The following EIF5 variants were observed in gnomAD, a reference collection of about 807,000 sequenced individuals.
EIF5 encodes eukaryotic translation initiation factor 5.
In EIF5, 10 loss-of-function variants were observed where a neutral mutation model predicts 48.3. That is an observed-to-expected ratio of 0.21 (90% CI 0.13 to 0.35). EIF5 has a LOEUF of 0.35. Ranked by LOEUF, EIF5 falls within the 10% of genes least tolerant of loss-of-function variation. The pLI is 1.00. For missense variants in EIF5, 397 were observed against 533.2 expected (o/e 0.74, Z 2.51); for synonymous variants, 237 against 173.1 (o/e 1.37, Z -2.90).
rs1263019804 is a variant in EIF5 at position 103,341,860 on chromosome 14, A to G, written c.*808A>G. On this transcript the variant is annotated 3_prime_UTR_variant, in exon 12 of 12. Coordinates refer to ENST00000216554, the MANE Select transcript of EIF5 (RefSeq NM_001969.5). Reference sequence around the variant, plus strand: ...CTGAGAGAACTTGCTTTGGGGTGCAATTAATAAACTGATTTTATTTGGGAG... The same window carrying G: ...CTGAGAGAACTTGCTTTGGGGTGCAGTTAATAAACTGATTTTATTTGGGAG... 1.4e-5 allele frequency: 2 copies of G among 143,904 alleles called. No individual in the cohort carries two copies. Among genetic ancestry groups the G allele is most frequent in the Admixed American group, 7.1e-5 (1 of 14,032 alleles). The allele number at this position is 143,904 out of a possible 1,614,324, so 8.9% of individuals were successfully genotyped here.
intron 11 of EIF5, 136 bp downstream of exon 11, chr14:103,340,697 C>T (rs2089343104): frequency 5.9e-6 from 7 of 1,189,024 alleles, no homozygotes; most frequent in Non-Finnish European, 8.2e-6. Flanking sequence ...TAAAATACAG[C>T]CTCTCAATAA....
At position 103,343,629 on chromosome 14, in the gene EIF5, A is replaced by C. The variant is rs923104290; in HGVS notation, c.*2577A>C. ...GGGAGGGGTATCAAAATTGAGCCCC[A>C]AGCTGTTTGTTCCAGTGTACCAAGC... On this transcript the variant is annotated 3_prime_UTR_variant, in exon 12 of 12. Transcript: ENST00000216554. 2 of 152,212 alleles carry C rather than the reference A, an allele frequency of 1.3e-5. No individual in the cohort carries two copies. Among genetic ancestry groups the C allele is most frequent in the African/African-American group, 4.8e-5 (2 of 41,452 alleles). The allele number at this position is 152,212 out of a possible 1,614,324, so 9.4% of individuals were successfully genotyped here. A position where few individuals can be genotyped will look rare whatever the true frequency, so the allele number is the denominator to read the frequency against.
intron 4 of EIF5, 26 bp downstream of exon 4, chr14:103,336,143 AG>A: frequency 6.2e-7 from 1 of 1,609,402 alleles, no homozygotes; most frequent in Non-Finnish European, 8.5e-7. Context: ...AAAAGTCCAC[AG>A]GGCATATTAT....
rs1595364081 is a variant in EIF5 at position 103,338,463 on chromosome 14, A to C, written c.576A>C (p.Pro192=). The C allele has an allele frequency of 6.4e-7, 1 of 1,569,390 alleles. No individual in the cohort carries two copies. The highest frequency in any genetic ancestry group is 8.6e-7 in the Non-Finnish European group (1 of 1,156,522). ...PPPPNEINPP[P]HTMEEEEDDD... is the part of the protein sequence containing the mutation. ...CACCAAATGAAATTAATCCTCCTCCACATACAATGGTGAGTGCAGGGTTGA... is the reference window on the plus strand; with the variant it reads ...CACCAAATGAAATTAATCCTCCTCCCCATACAATGGTGAGTGCAGGGTTGA... Residue 192 remains proline (P), a synonymous_variant, in exon 7 of 12, where the codon CCA becomes CCC. Transcript: ENST00000216554.
Position 103,341,034 on chromosome 14 carries a change from C to G in EIF5, c.1278C>G (p.Ile426Met). 6.2e-7 allele frequency: 1 copy of G among 1,614,036 alleles called. No homozygotes were observed. The highest frequency in any genetic ancestry group is 1.3e-5 in the African/African-American group (1 of 75,040). Residue 426 changes from isoleucine (I) to methionine (M), a missense_variant, in exon 12 of 12, where the codon ATC (isoleucine) becomes ATG (methionine). By Grantham distance (10) the Ile-to-Met change is conservative. Transcript: ENST00000216554. ...AGTCAGACAACAAGGATGACGACAT[C>G]GATATTGATGCCATTTAAAGGGATG... Reference protein sequence around the residue: ...TVKSDNKDDDIDIDAI With the variant: ...TVKSDNKDDDMDIDAI
At position 103,340,956 on chromosome 14, in the gene EIF5, T is replaced by C; in HGVS notation, c.1207-7T>C. 1 of 1,613,216 alleles carries C rather than the reference T, an allele frequency of 6.2e-7. No homozygotes were observed. The highest frequency in any genetic ancestry group is 2.2e-5 in the East Asian group (1 of 44,866). The stretch of plus-strand genomic sequence containing the variant: ...CTTATGTTGAATAAAATCATTCCTC[T>C]TAACAGGTGGTGTATTCGAAGGCTG... On this transcript the variant is annotated splice_region_variant and splice_polypyrimidine_tract_variant and intron_variant, in intron 11 of 11. Transcript: ENST00000216554.
chr14:103,338,176 C>T, intron 6 of EIF5, 151 bp from the exon 7 acceptor site: 1 of 1,054,090 alleles, frequency 9.5e-7, no homozygotes, highest in Non-Finnish European at 1.4e-6. Flanking sequence ...TGAATTTGAT[C>T]TGTGAAGCCT....
In EIF5 at chr14:103,343,891, T is replaced by C. The variant is rs1421276332; in HGVS notation, c.*2839T>C. On this transcript the variant is annotated 3_prime_UTR_variant, in exon 12 of 12. Coordinates refer to ENST00000216554, the MANE Select transcript of EIF5 (RefSeq NM_001969.5). ...CTTATCTAACCAGCTATTTTCTTAA[T>C]TGCTACAGCTTGACCTACCAGTATT... 6.6e-6 allele frequency: 1 copy of C among 152,232 alleles called. No homozygotes were observed. The highest frequency in any genetic ancestry group is 1.9e-4 in the East Asian group (1 of 5,198). The allele number at this position is 152,232 out of a possible 1,614,324, so 9.4% of individuals were successfully genotyped here. A position where few individuals can be genotyped will look rare whatever the true frequency, so the allele number is the denominator to read the frequency against.
At position 103,338,337 on chromosome 14, in the gene EIF5, C is replaced by T. The variant is rs894028608; in HGVS notation, c.450C>T (p.Asp150=). 6 of 1,613,432 alleles carry T rather than the reference C, an allele frequency of 3.7e-6. No homozygotes were observed. Among genetic ancestry groups the T allele is most frequent in the Middle Eastern group, 1.7e-4 (1 of 6,056 alleles). Residue 150 remains aspartate, a synonymous_variant, in exon 7 of 12, where the codon GAC becomes GAT. Coordinates refer to ENST00000216554, the MANE Select transcript of EIF5 (RefSeq NM_001969.5). ...FILKNPPENS[D]SGTGKKEKEK... ...CCTTTTTTTCTGTAGAGAATAGTGACAGTGGTACAGGAAAGAAAGAAAAAG... is the reference window on the plus strand; with the variant it reads ...CCTTTTTTTCTGTAGAGAATAGTGATAGTGGTACAGGAAAGAAAGAAAAAG...
rs2089392021 is a variant in EIF5 at position 103,344,644 on chromosome 14, G to A, written c.*3592G>A. The A allele has an allele frequency of 6.6e-6, 1 of 152,188 alleles. No individual in the cohort carries two copies. Among genetic ancestry groups the A allele is most frequent in the Non-Finnish European group, 1.5e-5 (1 of 68,048 alleles). The allele number at this position is 152,188 out of a possible 1,614,324, so 9.4% of individuals were successfully genotyped here. A position where few individuals can be genotyped will look rare whatever the true frequency, so the allele number is the denominator to read the frequency against. On this transcript the variant is annotated 3_prime_UTR_variant, in exon 12 of 12. Transcript: ENST00000216554. ...GAAGCAATGCCTGGCTGGGGCAGTA[G>A]GGGAAATTCCACCCAATTTTGCTAT... is the stretch of plus-strand genomic sequence containing the variant.
chr14:103,335,070 G>C (rs2089268040), intron 2 of EIF5: 1 of 152,266 alleles, frequency 6.6e-6, no homozygotes, highest in African/African-American at 2.4e-5. Context: ...AAGGTTAACC[G>C]AGTATTTGAA....
In EIF5 at chr14:103,342,449, C is replaced by G. The variant is rs1046764831; in HGVS notation, c.*1397C>G. 7 of 152,160 alleles carry G rather than the reference C, an allele frequency of 4.6e-5. No individual in the cohort carries two copies. In the East Asian group the frequency reaches 1.3e-3, roughly 29 times the overall value. The allele number at this position is 152,160 out of a possible 1,614,324, so 9.4% of individuals were successfully genotyped here. The stretch of plus-strand genomic sequence containing the variant: ...TCAAGGTTAAACCTCTTGGCAGTTA[C>G]CCTTTTCACAAAGTGCACAGTGGGA... On this transcript the variant is annotated 3_prime_UTR_variant, in exon 12 of 12. Transcript: ENST00000216554.
Position 103,338,830 on chromosome 14 carries a change from A to G in EIF5, c.681A>G (p.Thr227=), listed in dbSNP as rs1425194368. 3 of 1,614,086 alleles carry G rather than the reference A, an allele frequency of 1.9e-6. No homozygotes were observed. Among genetic ancestry groups the G allele is most frequent in the East Asian group, 2.2e-5 (1 of 44,898 alleles). ...TCAGTGACCATGCAAAAGTTCTGAC[A>G]CTCAGTGATGATTTGGAAAGAACAA... The part of the protein sequence containing the change: ...DEISDHAKVL[T]LSDDLERTIE... The change falls in exon 8 of 12, where the codon ACA becomes ACG. Residue 227 remains threonine, a synonymous_variant. Transcript: ENST00000216554.
Position 103,336,837 on chromosome 14 carries a change from T to C in EIF5, c.315T>C (p.Pro105=), listed in dbSNP as rs766104891. The change falls in exon 5 of 12, where the codon CCT becomes CCC. Residue 105 remains proline (P), a synonymous_variant. Coordinates refer to ENST00000216554, the MANE Select transcript of EIF5 (RefSeq NM_001969.5). ...KFVLCPECEN[P]ETDLHVNPKK... is the part of the protein sequence containing the mutation. Reference sequence around the variant, plus strand: ...TTCTCTGTCCTGAATGTGAGAATCCTGAAACAGATTTGGTAAGTGCTTTTG... The same window carrying C: ...TTCTCTGTCCTGAATGTGAGAATCCCGAAACAGATTTGGTAAGTGCTTTTG... 5 of 1,612,778 alleles carry C rather than the reference T, an allele frequency of 3.1e-6. No individual in the cohort carries two copies. The South Asian group carries it at 3.3e-5, about 11-fold the overall frequency.
At chr14:103,336,521 C>A in intron 4 of EIF5, 156 bp from the exon 5 acceptor site, 1 of 737,886 alleles carries the variant, frequency 1.4e-6, no homozygotes, top group Non-Finnish European at 2.1e-6. Flanking sequence ...ACGGAGGTTG[C>A]AGTGAGCTGA....
In EIF5 at chr14:103,339,759, G is replaced by A; in HGVS notation, c.1027G>A (p.Ala343Thr). ...ACATATCTTGAAGGAGATGTACGATGCAGACCTTTTAGAAGAAGAGGTCAT... is the reference window on the plus strand; with the variant it reads ...ACATATCTTGAAGGAGATGTACGATACAGACCTTTTAGAAGAAGAGGTCAT... ...IPHILKEMYD[A>T]DLLEEEVIIS... The change falls in exon 10 of 12, where the codon GCA becomes ACA. Residue 343 changes from alanine (A) to threonine (T), a missense_variant. Physicochemically the swap from Ala to Thr is moderately conservative, Grantham distance 58. Coordinates refer to ENST00000216554, the MANE Select transcript of EIF5 (RefSeq NM_001969.5). The A allele has an allele frequency of 1.2e-6, 2 of 1,614,222 alleles. No homozygotes were observed. Among genetic ancestry groups the A allele is most frequent in the Middle Eastern group, 3.3e-4 (2 of 6,062 alleles).
rs141022959 is a variant in EIF5, at chr14:103,340,341, C to G, written c.1072-86C>G. On this transcript the variant is annotated intron_variant, in intron 10 of 11. Transcript: ENST00000216554. ...GGATTCAGACTTGTTAGGACCCAGTCCCCTCAGCTCAGTAAGGGGGATTGT... is the reference window on the plus strand; with the variant it reads ...GGATTCAGACTTGTTAGGACCCAGTGCCCTCAGCTCAGTAAGGGGGATTGT... 118 of 1,446,730 alleles carry G rather than the reference C, an allele frequency of 8.2e-5. No individual in the cohort carries two copies. In the African/African-American group the frequency reaches 1.4e-3, roughly 17 times the overall value. The allele number at this position is 1,446,730 out of a possible 1,614,324, so 89.6% of individuals were successfully genotyped here. A position where few individuals can be genotyped will look rare whatever the true frequency, so the allele number is the denominator to read the frequency against.
rs1428252588 is a variant in EIF5, at chr14:103,342,390, A to C, written c.*1338A>C. The C allele has an allele frequency of 6.6e-6, 1 of 152,216 alleles. No homozygotes were observed. The highest frequency in any genetic ancestry group is 1.5e-5 in the Non-Finnish European group (1 of 68,048). The allele number at this position is 152,216 out of a possible 1,614,324, so 9.4% of individuals were successfully genotyped here. A position where few individuals can be genotyped will look rare whatever the true frequency, so the allele number is the denominator to read the frequency against. On this transcript the variant is annotated 3_prime_UTR_variant, in exon 12 of 12. Transcript: ENST00000216554. ...TGAACTCCTTGCCTGATCTAAACTC[A>C]TATTATGGGTTCTGACTGTTTGAGT...
In EIF5 at chr14:103,343,648, A is replaced by T. The variant is rs2089379304; in HGVS notation, c.*2596A>T. On this transcript the variant is annotated 3_prime_UTR_variant, in exon 12 of 12. Coordinates refer to ENST00000216554, the MANE Select transcript of EIF5 (RefSeq NM_001969.5). The stretch of plus-strand genomic sequence containing the variant: ...AGCCCCAAGCTGTTTGTTCCAGTGT[A>T]CCAAGCACTGACTTTATGCCTTTGG... 1 of 152,198 alleles carries T rather than the reference A, an allele frequency of 6.6e-6. No homozygotes were observed. The highest frequency in any genetic ancestry group is 2.4e-5 in the African/African-American group (1 of 41,452). The allele number at this position is 152,198 out of a possible 1,614,324, so 9.4% of individuals were successfully genotyped here. A position where few individuals can be genotyped will look rare whatever the true frequency, so the allele number is the denominator to read the frequency against.
Sources: gnomAD v4.1 joint callset for allele counts on GRCh38, gnomAD v4.1.1 for gene constraint, MANE v1.5 for transcripts, NCBI Gene and HGNC (gene_info 2026-07-23, HGNC 2026-07-21) for gene names.